Variants in NAALADL2 observed in about 807,000 individuals in gnomAD.
NAALADL2 encodes N-acetylated alpha-linked acidic dipeptidase like 2.
NAALADL2 carries 76 observed loss-of-function variants against 87.2 expected under a neutral mutation model. That is an observed-to-expected ratio of 0.87 (90% CI 0.72 to 1.05). The LOEUF is 1.05. Ranked by LOEUF, NAALADL2 falls within the 50% of genes least tolerant of loss-of-function variation. The pLI is 0.00. For synonymous variants in NAALADL2, 354 were observed against 331.0 expected, an observed-to-expected ratio of 1.07 and a Z score of -0.75; for missense variants, 1,089 against 945.8, an observed-to-expected ratio of 1.15 and a Z score of -1.99.
At chr3:175,768,810 C>G (rs893545077) in intron 13 of NAALADL2, among the ~76,000 whole-genome samples, 3 of 149,682 alleles carry the variant, frequency 2.0e-5, no homozygotes, top group African/African-American at 7.5e-5. Context: ...TGAGATTGGT[C>G]CACAGCACTC....
At chr3:175,249,056 T>C (rs1748529148) in intron 3 of NAALADL2, among the ~76,000 whole-genome samples, 1 of 152,102 alleles carries the variant, frequency 6.6e-6, no homozygotes, top group Admixed American at 6.6e-5. Context: ...GGAGTACAAC[T>C]GAATAGGAAT....
intron 2 of NAALADL2, among the ~76,000 whole-genome samples, chr3:175,123,309 G>A (rs992162731): frequency 6.6e-6 from 1 of 151,942 alleles, no homozygotes; most frequent in African/African-American, 2.4e-5. Flanking sequence ...GACTAATGCA[G>A]TTCAGGACAT....
chr3:175,326,636 G>T (rs1211618695), intron 5 of NAALADL2, among the ~76,000 whole-genome samples: 2 of 152,170 alleles, frequency 1.3e-5, no homozygotes, highest in Non-Finnish European at 2.9e-5. Flanking sequence ...AGTTCAGGAG[G>T]CTGGTCAGTC....
At chr3:175,250,856 A>T (rs1364029575) in intron 3 of NAALADL2, among the ~76,000 whole-genome samples, 1 of 152,210 alleles carries the variant, frequency 6.6e-6, no homozygotes, top group Admixed American at 6.5e-5. Flanking sequence ...TCTGTTTTAC[A>T]AGTCTGAAGC....
chr3:175,633,629 C>T (rs1323540105), intron 11 of NAALADL2, among the ~76,000 whole-genome samples: 2 of 151,506 alleles, frequency 1.3e-5, no homozygotes, highest in Non-Finnish European at 2.9e-5. Flanking sequence ...AACAAAAATG[C>T]CCTCATCTAT....
At chr3:174,445,503 CA>C (rs1313624670) in intron 1 of NAALADL2, among the ~76,000 whole-genome samples, 1 of 151,874 alleles carries the variant, frequency 6.6e-6, no homozygotes, top group African/African-American at 2.4e-5. Context: ...TCCTACAGTT[CA>C]AAAATATTTT....
intron 2 of NAALADL2, among the ~76,000 whole-genome samples, chr3:175,192,369 C>A (rs569047979): frequency 3.9e-5 from 6 of 152,052 alleles, no homozygotes; most frequent in Non-Finnish European, 5.9e-5. Context: ...AAATAAAATT[C>A]TTATGCTATG....
At chr3:174,990,492 A>G (rs1254345418) in intron 1 of NAALADL2, among the ~76,000 whole-genome samples, 1 of 152,186 alleles carries the variant, frequency 6.6e-6, no homozygotes, top group Non-Finnish European at 1.5e-5. Context: ...GGGTTTTTAT[A>G]GAAGTTCTAT....
At chr3:175,727,862 A>G (rs1743141240) in intron 11 of NAALADL2, among the ~76,000 whole-genome samples, 1 of 152,138 alleles carries the variant, frequency 6.6e-6, no homozygotes, top group African/African-American at 2.4e-5. Context: ...GAAGAGGAGC[A>G]TTATTCAGGT....
chr3:174,825,477 T>C (rs1417786936), intron 3 of NAALADL2, among the ~76,000 whole-genome samples: 6 of 152,230 alleles, frequency 3.9e-5, no homozygotes, highest in African/African-American at 9.6e-5. Context: ...ATGGAATGTA[T>C]GATTCCTGCC....
chr3:175,090,739 G>C (rs1580389113), intron 1 of NAALADL2, among the ~76,000 whole-genome samples: 1 of 151,940 alleles, frequency 6.6e-6, no homozygotes, highest in Non-Finnish European at 1.5e-5. Context: ...CCTAAATTCA[G>C]TGTACTACTC....
At chr3:175,308,360 G>A (rs764058684) in intron 4 of NAALADL2, among the ~76,000 whole-genome samples, 4 of 152,104 alleles carry the variant, frequency 2.6e-5, no homozygotes, top group Non-Finnish European at 4.4e-5. Context: ...GCACTCAGAC[G>A]TTAAACTGCG....
At chr3:174,711,477 T>A (rs1365167023) in intron 2 of NAALADL2, among the ~76,000 whole-genome samples, 1 of 152,214 alleles carries the variant, frequency 6.6e-6, no homozygotes, top group Admixed American at 6.5e-5. Flanking sequence ...AATGCCTAGA[T>A]TTTCTATTTC....
intron 1 of NAALADL2, among the ~76,000 whole-genome samples, chr3:174,970,660 T>C (rs1743498287): frequency 6.6e-6 from 1 of 152,192 alleles, no homozygotes; most frequent in Non-Finnish European, 1.5e-5. Context: ...TTAATTTAAT[T>C]GTAATATGTT....
intron 2 of NAALADL2, among the ~76,000 whole-genome samples, chr3:174,704,538 T>G (rs1464407223): frequency 6.6e-6 from 1 of 152,104 alleles, no homozygotes; most frequent in Non-Finnish European, 1.5e-5. Context: ...CCAAAATAAC[T>G]AATACTGGAG....
At position 175,737,419 on chromosome 3, in the gene NAALADL2, T is replaced by C. The variant is rs374641437; in HGVS notation, c.1990+20T>C. On this transcript the variant is annotated intron_variant, in intron 12 of 13. Transcript: ENST00000454872. ...TTAAAGGTAATTTTCCTTTGAATTA[T>C]AGTAATTTTACCAATGAAAAATTGT... is the stretch of plus-strand genomic sequence containing the variant. 5 of 1,402,072 alleles carry C rather than the reference T, an allele frequency of 3.6e-6. No homozygotes were observed. The highest frequency in any genetic ancestry group is 1.7e-5 in the Admixed American group (1 of 57,576). The allele number at this position is 1,402,072 out of a possible 1,614,324, so 86.9% of individuals were successfully genotyped here. A position where few individuals can be genotyped will look rare whatever the true frequency, so the allele number is the denominator to read the frequency against.
intron 2 of NAALADL2, among the ~76,000 whole-genome samples, chr3:174,584,279 G>C (rs1229558581): frequency 6.6e-6 from 1 of 152,092 alleles, no homozygotes; most frequent in Non-Finnish European, 1.5e-5. Flanking sequence ...TGAAACAAAA[G>C]CAAGTAATCA....
chr3:175,718,813 C>T, intron 11 of NAALADL2: 1 of 557,148 alleles, frequency 1.8e-6, no homozygotes. Flanking sequence ...CCACTGCACT[C>T]CAGCCTGGGC....
At chr3:175,591,850 T>TAA (rs1553928685) in intron 10 of NAALADL2, among the ~76,000 whole-genome samples, 1 of 149,374 alleles carries the variant, frequency 6.7e-6, no homozygotes, top group Non-Finnish European at 1.5e-5. Flanking sequence ...TTTATATATA[T>TAA]AACATTGTCA....
Sources: gnomAD v4.1 joint callset for allele counts (sites outside exome capture counted in the v4.1 genomes callset) on GRCh38, gnomAD v4.1.1 for gene constraint, MANE v1.5 for transcripts, NCBI Gene and HGNC (gene_info 2026-07-23, HGNC 2026-07-21) for gene names.